Variants in TRHDE observed in about 807,000 individuals in gnomAD.
TRHDE encodes the protein thyrotropin-releasing hormone-degrading ectoenzyme.
A neutral mutation model predicts 125.7 loss-of-function variants in TRHDE; 72 were observed. That is an observed-to-expected ratio of 0.57 (90% CI 0.47 to 0.70). The LOEUF (loss-of-function observed/expected upper bound fraction) is 0.70. Among genes scored for constraint, TRHDE ranks in the 30% least tolerant of loss-of-function variants. The pLI is 0.00. For synonymous variants in TRHDE, 509 were observed against 509.1 expected, an observed-to-expected ratio of 1.00 and a Z score of 0.00; for missense variants, 1,110 against 1,327.1, an observed-to-expected ratio of 0.84 and a Z score of 2.54.
chr12:72,647,363 A>G (rs988533860), intron 15 of TRHDE, among the ~76,000 whole-genome samples: 1 of 152,016 alleles, frequency 6.6e-6, no homozygotes, highest in East Asian at 1.9e-4. Flanking sequence ...ATAAATACCT[A>G]TATTTATAAT....
chr12:72,419,478 A>G (rs1041559378), intron 3 of TRHDE, among the ~76,000 whole-genome samples: 7 of 152,126 alleles, frequency 4.6e-5, no homozygotes, highest in African/African-American at 1.7e-4. Context: ...TCATAGTGGA[A>G]GGCAAAAGAG....
intron 3 of TRHDE, among the ~76,000 whole-genome samples, chr12:72,446,878 G>A (rs1875312333): frequency 6.6e-6 from 1 of 152,032 alleles, no homozygotes; most frequent in African/African-American, 2.4e-5. Flanking sequence ...AGTCCTTAGA[G>A]ACCTACAAAG....
At chr12:72,402,247 C>G (rs1873074716) in intron 3 of TRHDE, among the ~76,000 whole-genome samples, 2 of 151,560 alleles carry the variant, frequency 1.3e-5, no homozygotes, top group Admixed American at 6.6e-5. Flanking sequence ...AATTCACTAA[C>G]ACTAATGACA....
intron 9 of TRHDE, among the ~76,000 whole-genome samples, chr12:72,564,833 A>AT (rs1870365081): frequency 6.6e-6 from 1 of 151,380 alleles, no homozygotes; most frequent in Non-Finnish European, 1.5e-5. Context: ...CACCCGGCTA[A>AT]TTTTTTGTAT....
At chr12:72,282,528 A>C (rs887308771) in intron 1 of TRHDE, among the ~76,000 whole-genome samples, 1 of 152,206 alleles carries the variant, frequency 6.6e-6, no homozygotes, top group Non-Finnish European at 1.5e-5. Context: ...TGTTAAGGGC[A>C]CTGACCGGAA....
chr12:72,538,803 A>G (rs1198441301), intron 6 of TRHDE, among the ~76,000 whole-genome samples: 3 of 151,988 alleles, frequency 2.0e-5, no homozygotes, highest in Admixed American at 6.6e-5. Context: ...TCTGATTTTT[A>G]TCATTGTTAT....
intron 2 of TRHDE, among the ~76,000 whole-genome samples, chr12:72,127,972 G>A (rs1204669913): frequency 6.6e-6 from 1 of 152,090 alleles, no homozygotes; most frequent in Admixed American, 6.5e-5. Context: ...GGGGGACTAA[G>A]GTGGCCTGAG....
intron 2 of TRHDE, among the ~76,000 whole-genome samples, chr12:72,237,223 G>C (rs543366570): frequency 3.8e-4 from 58 of 152,218 alleles, no homozygotes; most frequent in African/African-American, 1.3e-3. Flanking sequence ...ATTCACCAAA[G>C]ATAAATTGAA....
chr12:72,559,382 GC>G (rs1181052344), intron 7 of TRHDE, among the ~76,000 whole-genome samples: 1 of 152,166 alleles, frequency 6.6e-6, no homozygotes, highest in Non-Finnish European at 1.5e-5. Context: ...AGCTCATATA[GC>G]TAGTGAATGT....
At chr12:72,268,255 T>A (rs760343345), upstream of TRHDE, among the ~76,000 whole-genome samples, 2 of 152,140 alleles carry the variant, frequency 1.3e-5, no homozygotes, top group Non-Finnish European at 2.9e-5. Flanking sequence ...AATAGTAAGA[T>A]TTGTTTGTTT....
chr12:72,151,798 G>A (rs1876373084), intron 2 of TRHDE, among the ~76,000 whole-genome samples: 1 of 152,152 alleles, frequency 6.6e-6, no homozygotes, highest in South Asian at 2.1e-4. Context: ...GGTTACTGTA[G>A]CCTTGTAGTA....
intron 12 of TRHDE, among the ~76,000 whole-genome samples, chr12:72,583,518 G>A (rs1871321071): frequency 6.6e-6 from 1 of 152,106 alleles, no homozygotes. Context: ...CTTTCTGCAT[G>A]CAATTATTTA....
At chr12:72,488,452 G>T (rs1877512566) in intron 5 of TRHDE, among the ~76,000 whole-genome samples, 1 of 151,992 alleles carries the variant, frequency 6.6e-6, no homozygotes, top group East Asian at 1.9e-4. Context: ...TAAATCAAGA[G>T]AATATAAATA....
chr12:72,429,879 A>C (rs1305693664), intron 3 of TRHDE, among the ~76,000 whole-genome samples: 1 of 152,066 alleles, frequency 6.6e-6, no homozygotes, highest in Non-Finnish European at 1.5e-5. Flanking sequence ...GAGTTGTAAG[A>C]ATAATTTGTA....
At chr12:72,616,655 T>C (rs1233387019) in intron 12 of TRHDE, among the ~76,000 whole-genome samples, 1 of 152,140 alleles carries the variant, frequency 6.6e-6, no homozygotes, top group Non-Finnish European at 1.5e-5. Flanking sequence ...ATAATTGACA[T>C]AAAGCTATCA....
chr12:72,446,813 A>T (rs1479272056), intron 3 of TRHDE, among the ~76,000 whole-genome samples: 1 of 152,160 alleles, frequency 6.6e-6, no homozygotes, highest in Non-Finnish European at 1.5e-5. Flanking sequence ...AGAAGAGCTA[A>T]CTATCCTAAA....
intron 2 of TRHDE, among the ~76,000 whole-genome samples, chr12:72,334,951 G>A (rs1044111016): frequency 6.6e-6 from 1 of 152,130 alleles, no homozygotes; most frequent in African/African-American, 2.4e-5. Flanking sequence ...TAGGATCTTC[G>A]TCACTTTTAA....
chr12:72,132,995 A>G (rs977894847), intron 2 of TRHDE, among the ~76,000 whole-genome samples: 10 of 152,216 alleles, frequency 6.6e-5, no homozygotes, highest in Non-Finnish European at 1.3e-4. Flanking sequence ...CCATGTGGCC[A>G]GAGCAGAGAG....
At chr12:72,163,932 T>G (rs1294884260) in intron 2 of TRHDE, among the ~76,000 whole-genome samples, 2 of 152,178 alleles carry the variant, frequency 1.3e-5, no homozygotes, top group South Asian at 2.1e-4. Context: ...GCCAACATGG[T>G]GAAACCCTGT....
Sources: gnomAD v4.1 joint callset for allele counts (sites outside exome capture counted in the v4.1 genomes callset) on GRCh38, gnomAD v4.1.1 for gene constraint, MANE v1.5 for transcripts, NCBI Gene and HGNC (gene_info 2026-07-23, HGNC 2026-07-21) for gene names.